GRM7: variants seen among roughly 807,000 people sequenced by gnomAD.
GRM7 encodes glutamate metabotropic receptor 7.
A neutral mutation model predicts 84.5 loss-of-function variants in GRM7; 35 were observed. The observed-to-expected ratio is 0.41, with a 90% CI of 0.32 to 0.55. The LOEUF is 0.55. Among genes scored for constraint, GRM7 ranks in the 20% least tolerant of loss-of-function variants. The pLI is 0.19. For synonymous variants in GRM7, 487 were observed against 455.1 expected (o/e 1.07, Z -0.89); for missense variants, 1,003 against 1,194.6 (o/e 0.84, Z 2.36).
chr3:7,011,101 TCA>T (rs1695354109), intron 1 of GRM7, among the ~76,000 whole-genome samples: 1 of 152,168 alleles, frequency 6.6e-6, no homozygotes, highest in Non-Finnish European at 1.5e-5. Context: ...TTTTGTCCTC[TCA>T]CAGCCTTGGA....
At position 7,728,055 on chromosome 3, in the gene GRM7, T is replaced by C. The variant is rs187540834; in HGVS notation, c.2699-12302T>C. 1.1e-4 allele frequency among the ~76,000 whole-genome samples: 16 copies of C among 152,326 alleles called. No individual in the cohort carries two copies. In the East Asian group the frequency reaches 2.7e-3, roughly 26 times the overall value. On this transcript the variant is annotated intron_variant, in intron 9 of 9. Coordinates refer to ENST00000357716, the MANE Select transcript of GRM7 (RefSeq NM_000844.4). ...CCTCTCCTTTGAGCCCTCTTGGTCCTCTGAGATCCGCAGTCAAAACAAGAA... is the reference window on the plus strand; with the variant it reads ...CCTCTCCTTTGAGCCCTCTTGGTCCCCTGAGATCCGCAGTCAAAACAAGAA...
At chr3:7,046,640 C>G (rs1274590510) in intron 1 of GRM7, among the ~76,000 whole-genome samples, 1 of 152,056 alleles carries the variant, frequency 6.6e-6, no homozygotes, top group Non-Finnish European at 1.5e-5. Flanking sequence ...ATATGGGTAA[C>G]TAGCTGTCCT....
intron 3 of GRM7, among the ~76,000 whole-genome samples, chr3:7,302,084 T>A (rs967415519): frequency 3.9e-5 from 6 of 152,078 alleles, no homozygotes; most frequent in Admixed American, 2.6e-4. Context: ...AAAATAAAAG[T>A]TTTTTTATTG....
intron 2 of GRM7, among the ~76,000 whole-genome samples, chr3:7,217,835 A>G (rs908680616): frequency 6.8e-6 from 1 of 146,994 alleles, no homozygotes; most frequent in African/African-American, 2.5e-5. Context: ...ATGTGTGTAT[A>G]TGTGTGTGTA....
At chr3:7,387,893 TA>T (rs1220832031) in intron 4 of GRM7, among the ~76,000 whole-genome samples, 1 of 152,192 alleles carries the variant, frequency 6.6e-6, no homozygotes, top group Non-Finnish European at 1.5e-5. Flanking sequence ...TAGGAGATTT[TA>T]ACAATATTGA....
chr3:7,130,010 C>T (rs530267030), intron 1 of GRM7, among the ~76,000 whole-genome samples: 19 of 152,196 alleles, frequency 1.2e-4, no homozygotes, highest in South Asian at 4.2e-4. Flanking sequence ...AGATGTGATT[C>T]GAATTGTTTC....
chr3:7,658,050 C>T (rs1166307269), intron 8 of GRM7, among the ~76,000 whole-genome samples: 3 of 152,180 alleles, frequency 2.0e-5, no homozygotes, highest in African/African-American at 7.2e-5. Flanking sequence ...GAATGAAGAA[C>T]ACTATTGTGA....
At chr3:7,684,557 T>C (rs1700504521) in intron 9 of GRM7, among the ~76,000 whole-genome samples, 1 of 152,208 alleles carries the variant, frequency 6.6e-6, no homozygotes, top group Non-Finnish European at 1.5e-5. Flanking sequence ...ACACTGCAGC[T>C]ACATGTCTAC....
At chr3:7,442,596 G>T (rs1272532431) in intron 5 of GRM7, among the ~76,000 whole-genome samples, 1 of 152,108 alleles carries the variant, frequency 6.6e-6, no homozygotes, top group Non-Finnish European at 1.5e-5. Context: ...TGCTTAAGGA[G>T]GTGAAGGGGC....
intron 1 of GRM7, among the ~76,000 whole-genome samples, chr3:7,062,406 G>A (rs1001618628): frequency 6.6e-5 from 10 of 151,746 alleles, no homozygotes; most frequent in Admixed American, 2.6e-4. Context: ...AAGACAAAAG[G>A]GGGAGTTTCA....
chr3:7,393,309 C>G (rs929335790), intron 4 of GRM7, among the ~76,000 whole-genome samples: 1 of 152,136 alleles, frequency 6.6e-6, no homozygotes, highest in Non-Finnish European at 1.5e-5. Context: ...GTGTGGGTTC[C>G]CTTTCTGGAG....
At chr3:7,128,290 A>G (rs1382601343) in intron 1 of GRM7, among the ~76,000 whole-genome samples, 3 of 151,742 alleles carry the variant, frequency 2.0e-5, no homozygotes, top group Non-Finnish European at 4.4e-5. Flanking sequence ...TTATATTTTT[A>G]TTCTTCCTAT....
chr3:7,175,252 C>T (rs1695107620), intron 2 of GRM7, among the ~76,000 whole-genome samples: 1 of 152,248 alleles, frequency 6.6e-6, no homozygotes, highest in Non-Finnish European at 1.5e-5. Flanking sequence ...CGTAGCAGTC[C>T]TGTTCTGTGC....
intron 2 of GRM7, among the ~76,000 whole-genome samples, chr3:7,296,034 C>G (rs1029287935): frequency 6.6e-6 from 1 of 151,774 alleles, no homozygotes; most frequent in African/African-American, 2.4e-5. Flanking sequence ...TATTATTAGG[C>G]TAAGGAAATT....
chr3:7,094,957 C>A (rs1390163276), intron 1 of GRM7, among the ~76,000 whole-genome samples: 1 of 151,472 alleles, frequency 6.6e-6, no homozygotes. Flanking sequence ...TATAAAAATG[C>A]TACTTGAACT....
At chr3:7,301,815 C>A (rs1223577914) in intron 3 of GRM7, among the ~76,000 whole-genome samples, 1 of 152,042 alleles carries the variant, frequency 6.6e-6, no homozygotes, top group Non-Finnish European at 1.5e-5. Flanking sequence ...TACTGATAAC[C>A]CATAATGTTA....
At chr3:7,428,858 A>G (rs1696716011) in intron 5 of GRM7, among the ~76,000 whole-genome samples, 1 of 152,174 alleles carries the variant, frequency 6.6e-6, no homozygotes, top group South Asian at 2.1e-4. Context: ...TTTCTTCATT[A>G]AAATATTATA....
At chr3:7,020,766 T>A (rs919557779) in intron 1 of GRM7, among the ~76,000 whole-genome samples, 11 of 152,284 alleles carry the variant, frequency 7.2e-5, no homozygotes, top group Non-Finnish European at 1.3e-4. Context: ...ATTTATCAAA[T>A]TTTTTTAGAG....
intron 1 of GRM7, among the ~76,000 whole-genome samples, chr3:6,991,326 C>A (rs944345902): frequency 6.6e-6 from 1 of 152,220 alleles, no homozygotes; most frequent in Admixed American, 6.5e-5. Flanking sequence ...TTTCTCCACC[C>A]TTTCCCACCG....
Sources: allele counts gnomAD v4.1 joint callset (sites outside exome capture counted in the v4.1 genomes callset), GRCh38; gene constraint gnomAD v4.1.1; transcripts MANE v1.5; gene names NCBI Gene and HGNC (gene_info 2026-07-23, HGNC 2026-07-21).